The following PRR14 variants were observed in gnomAD, a reference collection of about 807,000 sequenced individuals.
The protein encoded by PRR14 is proline rich 14.
PRR14 carries 33 observed loss-of-function variants against 57.2 expected under a neutral mutation model. The observed-to-expected ratio is 0.58, with a 90% CI of 0.44 to 0.77. The LOEUF is 0.77. Among genes scored for constraint, PRR14 ranks in the 30% least tolerant of loss-of-function variants. PRR14 has a pLI of 0.00. For missense variants in PRR14, 716 were observed against 788.1 expected (o/e 0.91, Z 1.10); for synonymous variants, 303 against 314.7 (o/e 0.96, Z 0.39).
chr16:30,652,434 TAAG>T (rs981120448), intron 3 of PRR14: 2 of 563,078 alleles, frequency 3.6e-6, no homozygotes, highest in African/African-American at 3.8e-5. Context: ...ACTGCACAGA[TAAG>T]AAAAACTGGC....
Position 30,654,546 on chromosome 16 carries a change from C to T in PRR14, c.659-83C>T, listed in dbSNP as rs1871050144. The T allele has an allele frequency of 8.4e-6, 10 of 1,193,744 alleles. No homozygotes were observed. The East Asian group carries it at 1.7e-4, about 20-fold the overall frequency. The allele number at this position is 1,193,744 out of a possible 1,614,324, so 73.9% of individuals were successfully genotyped here. ...GTGTTTTAAGGGTGGGCTAATTCCC[C>T]TGTGCACAAAGTTGAGCATGTGGGG... On this transcript the variant is annotated intron_variant, in intron 7 of 11. Coordinates refer to ENST00000300835, the MANE Select transcript of PRR14 (RefSeq NM_024031.5).
At position 30,654,991 on chromosome 16, in the gene PRR14, G is replaced by C; in HGVS notation, c.1021G>C (p.Gly341Arg). ...CTCCTGCCCTGATCTGGGGCCCCCT[G>C]GCCCAGGTACCTGCACCTGGCCACC... ...SYSCPDLGPPGPGTCTWPPAP... is the reference protein window; with the variant it reads ...SYSCPDLGPPRPGTCTWPPAP... Residue 341 changes from glycine (G) to arginine (R), a missense_variant, in exon 8 of 12, where the codon GGC (glycine) becomes CGC (arginine). Gly to Arg is a moderately radical substitution (Grantham distance 125). Transcript: ENST00000300835. 6.2e-7 allele frequency: 1 copy of C among 1,610,714 alleles called. No homozygotes were observed. The highest frequency in any genetic ancestry group is 8.5e-7 in the Non-Finnish European group (1 of 1,179,956).
At position 30,651,748 on chromosome 16, in the gene PRR14, G is replaced by T; in HGVS notation, c.24-48G>T. 6.2e-7 allele frequency: 1 copy of T among 1,611,058 alleles called. No individual in the cohort carries two copies. ...GGCGACCGTGCCGGGAAACTACAGAGCCAGCGACAGGTTCGGGCGACCGTC... is the reference window on the plus strand; with the variant it reads ...GGCGACCGTGCCGGGAAACTACAGATCCAGCGACAGGTTCGGGCGACCGTC... On this transcript the variant is annotated intron_variant, in intron 2 of 11. Transcript: ENST00000300835. This position sits in a 1 kb window ranked among gnomAD's most constrained non-coding sequence, Gnocchi z 5.0.
chr16:30,652,433 A>G, intron 3 of PRR14: 3 of 564,298 alleles, frequency 5.3e-6, no homozygotes, highest in Admixed American at 3.0e-5. Flanking sequence ...CACTGCACAG[A>G]TAAGAAAAAC....
intron 3 of PRR14, 183 bp downstream of exon 3, chr16:30,652,147 C>A: frequency 1.4e-6 from 1 of 693,202 alleles, no homozygotes; most frequent in Non-Finnish European, 2.4e-6. Context: ...TAGAATTGGG[C>A]AGTGCCCATT....
chr16:30,655,933 C>T lies in PRR14; in HGVS notation c.1472C>T (p.Thr491Ile). Residue 491 changes from threonine to isoleucine, a missense_variant, in exon 11 of 12, where the codon ACC becomes ATC. Transcript: ENST00000300835. This position sits in a 1 kb window ranked among gnomAD's most constrained non-coding sequence, Gnocchi z 4.6. ...YTNKNYQSPT[T>I]RRTFETIFEE... ...AACAAGAATTACCAATCACCCACAACCAGGAGGTGAGACACTTGGAAGGCT... is the reference window on the plus strand; with the variant it reads ...AACAAGAATTACCAATCACCCACAATCAGGAGGTGAGACACTTGGAAGGCT... 1 of 1,613,970 alleles carries T rather than the reference C, an allele frequency of 6.2e-7. No homozygotes were observed. The highest frequency in any genetic ancestry group is 8.5e-7 in the Non-Finnish European group (1 of 1,179,864).
chr16:30,651,718 A>G lies in PRR14; in HGVS notation c.23+50A>G. On this transcript the variant is annotated intron_variant, in intron 2 of 11. Coordinates refer to ENST00000300835, the MANE Select transcript of PRR14 (RefSeq NM_024031.5). The surrounding 1 kb of genome is among the most constrained non-coding windows in gnomAD (Gnocchi z 5.0). ...CCTGTCTTGACCCCGGGAGATGGGG[A>G]TCCTGGCGACCGTGCCGGGAAACTA... 6.2e-7 allele frequency: 1 copy of G among 1,611,872 alleles called. No homozygotes were observed.
chr16:30,654,806 C>CCCCCA lies in PRR14; in HGVS notation c.836_837insCCCCA (p.Met280ProfsTer3). The CCCCCA allele has an allele frequency of 6.2e-7, 1 of 1,601,922 alleles. No individual in the cohort carries two copies. Among genetic ancestry groups the CCCCCA allele is most frequent in the Non-Finnish European group, 8.5e-7 (1 of 1,171,464 alleles). On this transcript the variant is annotated frameshift_variant, in exon 8 of 12. Transcript: ENST00000300835. LOFTEE classifies it high-confidence loss of function. ...CCACAGCCCCCACCCCCGTCCCCCCCAATGAAGCTGGAGTTGAAGATCGCC... is the reference window on the plus strand; with the variant it reads ...CCACAGCCCCCACCCCCGTCCCCCCCCCCCAAATGAAGCTGGAGTTGAAGATCGCC...
chr16:30,655,814 C>T lies in PRR14; in HGVS notation c.1407-54C>T. The T allele has an allele frequency of 1.3e-6, 2 of 1,583,374 alleles. No individual in the cohort carries two copies. Among genetic ancestry groups the T allele is most frequent in the African/African-American group, 1.3e-5 (1 of 74,406 alleles). ...AATACAGACCAGGCCTTACCTGTCC[C>T]TTCAGGCCCCACTGGCCCAAGGTTT... is the stretch of plus-strand genomic sequence containing the variant. On this transcript the variant is annotated intron_variant, in intron 10 of 11. Transcript: ENST00000300835. The surrounding 1 kb of genome is among the most constrained non-coding windows in gnomAD (Gnocchi z 4.6).
In PRR14 at chr16:30,653,031, G is replaced by A; in HGVS notation, c.432G>A (p.Lys144=). 6.2e-7 allele frequency: 1 copy of A among 1,614,016 alleles called. No homozygotes were observed. The highest frequency in any genetic ancestry group is 8.5e-7 in the Non-Finnish European group (1 of 1,179,978). The stretch of plus-strand genomic sequence containing the variant: ...GCCCAGAGGAGGGCCCTTCACAAAA[G>A]GTGGACCGGGCCCCCCAGCCCACCC... ...TPGPEEGPSQ[K]VDRAPQPTLV... Residue 144 remains lysine, a synonymous_variant, in exon 5 of 12, where the codon AAG becomes AAA. Coordinates refer to ENST00000300835, the MANE Select transcript of PRR14 (RefSeq NM_024031.5).
rs748118652 is a variant in PRR14, at chr16:30,655,990, G to A, written c.1479-42G>A. The A allele has an allele frequency of 5.0e-6, 8 of 1,602,620 alleles. 1 individual carries two copies. Among genetic ancestry groups the A allele is most frequent in the Non-Finnish European group, 6.0e-6 (7 of 1,174,236 alleles). On this transcript the variant is annotated intron_variant, in intron 11 of 11. Coordinates refer to ENST00000300835, the MANE Select transcript of PRR14 (RefSeq NM_024031.5). The surrounding 1 kb of genome is among the most constrained non-coding windows in gnomAD (Gnocchi z 4.6). ...TGGCAGAGGGAAATCTGGAGCTGTG[G>A]AGCACCCTGATAAAACCAGCTCCTC...
At chr16:30,652,209 C>T (rs937480554) in intron 3 of PRR14, 27 of 647,302 alleles carry the variant, frequency 4.2e-5, no homozygotes, top group Non-Finnish European at 6.9e-5. Flanking sequence ...CTCTGAGAAA[C>T]TCTTCTGCTT....
Position 30,655,329 on chromosome 16 carries a change from T to C in PRR14, c.1245-22T>C, listed in dbSNP as rs1596606562. 3 of 1,613,748 alleles carry C rather than the reference T, an allele frequency of 1.9e-6. No homozygotes were observed. The highest frequency in any genetic ancestry group is 2.5e-6 in the Non-Finnish European group (3 of 1,179,790). ...TAATGCAGTGAATCCTGTTTGTCCC[T>C]GAGCCTTGACCTTCTTGGCAGGTTG... is the stretch of plus-strand genomic sequence containing the variant. On this transcript the variant is annotated intron_variant, in intron 8 of 11. Transcript: ENST00000300835. This position sits in a 1 kb window ranked among gnomAD's most constrained non-coding sequence, Gnocchi z 4.6.
In PRR14 at chr16:30,654,786, G is replaced by GCCCCCAC; in HGVS notation, c.821_827dup (p.Ser277ThrfsTer24). 1 of 1,568,098 alleles carries GCCCCCAC rather than the reference G, an allele frequency of 6.4e-7. No individual in the cohort carries two copies. The highest frequency in any genetic ancestry group is 2.3e-5 in the East Asian group (1 of 44,022). On this transcript the variant is annotated frameshift_variant, in exon 8 of 12. Coordinates refer to ENST00000300835, the MANE Select transcript of PRR14 (RefSeq NM_024031.5). LOFTEE classifies it high-confidence loss of function. ...TCCTCACGCCCAACAAAACCCCACA[G>GCCCCCAC]CCCCCACCCCCGTCCCCCCCAATGA...
chr16:30,654,053 T>C, intron 6 of PRR14, 177 bp from the exon 7 acceptor site: 1 of 614,572 alleles, frequency 1.6e-6, no homozygotes, highest in Non-Finnish European at 2.9e-6. Context: ...TGCCTGAGCC[T>C]GGGAGTTCAA....
At position 30,651,429 on chromosome 16, in the gene PRR14, TG is replaced by T. The variant is rs2052309874; in HGVS notation, c.-50-165del. On this transcript the variant is annotated intron_variant, in intron 1 of 11. Coordinates refer to ENST00000300835, the MANE Select transcript of PRR14 (RefSeq NM_024031.5). The surrounding 1 kb of genome is among the most constrained non-coding windows in gnomAD (Gnocchi z 5.0). ...GCGAGTGATCCGCTGATCGAGGCGGTGGCAGCGGGAGGACACCCGCTCCGGG... is the reference window on the plus strand; with the variant it reads ...GCGAGTGATCCGCTGATCGAGGCGGTGCAGCGGGAGGACACCCGCTCCGGG... 2.1e-6 allele frequency: 1 copy of T among 484,566 alleles called. No homozygotes were observed. Among genetic ancestry groups the T allele is most frequent in the Admixed American group, 4.1e-5 (1 of 24,520 alleles). 30.0% of individuals were successfully genotyped at this position (484,566 alleles called of 1,614,324 possible). A position where few individuals can be genotyped will look rare whatever the true frequency, so the allele number is the denominator to read the frequency against.
Position 30,655,132 on chromosome 16 carries a change from G to A in PRR14, c.1162G>A (p.Gly388Arg), listed in dbSNP as rs760647065. ...TCTCCGGAAAGAGGTCTTCCCTCTC[G>A]GAGGAGTGGGAGCCTCCCCTTCTCT... The part of the protein sequence containing the change: ...PCLRKEVFPL[G>R]GVGASPSLTT... The change falls in exon 8 of 12, where the codon GGA becomes AGA. Residue 388 changes from glycine (G) to arginine (R), a missense_variant. Coordinates refer to ENST00000300835, the MANE Select transcript of PRR14 (RefSeq NM_024031.5). The surrounding 1 kb of genome is among the most constrained non-coding windows in gnomAD (Gnocchi z 4.6). 1.4e-5 allele frequency: 23 copies of A among 1,610,634 alleles called. No homozygotes were observed. Among genetic ancestry groups the A allele is most frequent in the Middle Eastern group, 1.7e-4 (1 of 6,060 alleles).
rs201116615 is a variant in PRR14, at chr16:30,654,828, C to A, written c.858C>A (p.Ile286=). ...PSPPMKLELK[I]AISEAEQSGA... ...CCCCAATGAAGCTGGAGTTGAAGAT[C>A]GCCATCTCAGAGGCCGAGCAGTCTG... The change falls in exon 8 of 12, where the codon ATC becomes ATA. Residue 286 remains isoleucine, a synonymous_variant. Transcript: ENST00000300835. The A allele has an allele frequency of 3.1e-6, 4 of 1,283,370 alleles. No homozygotes were observed. In the Admixed American group the frequency reaches 7.8e-5, roughly 25 times the overall value. 79.5% of individuals were successfully genotyped at this position (1,283,370 alleles called of 1,614,324 possible).
chr16:30,652,302 C>G lies in PRR14; in HGVS notation c.192+338C>G, dbSNP rs1353720096. Reference sequence around the variant, plus strand: ...TGGTCTCAAACTGGCATCAAGCGATCTTCCCATCTCTGCCTCCCAAAGTAT... The same window carrying G: ...TGGTCTCAAACTGGCATCAAGCGATGTTCCCATCTCTGCCTCCCAAAGTAT... On this transcript the variant is annotated intron_variant, in intron 3 of 11. Coordinates refer to ENST00000300835, the MANE Select transcript of PRR14 (RefSeq NM_024031.5). The G allele has an allele frequency of 5.3e-6, 3 of 570,272 alleles. No homozygotes were observed. In the East Asian group the frequency reaches 1.2e-4, roughly 23 times the overall value. The allele number at this position is 570,272 out of a possible 1,614,324, so 35.3% of individuals were successfully genotyped here. A position where few individuals can be genotyped will look rare whatever the true frequency, so the allele number is the denominator to read the frequency against.
Sources: allele counts gnomAD v4.1 joint callset, GRCh38; gene constraint gnomAD v4.1.1; non-coding constraint Gnocchi (gnomAD v3.1); transcripts MANE v1.5; gene names NCBI Gene and HGNC (gene_info 2026-07-23, HGNC 2026-07-21).